Variants in PIAS1 observed in about 807,000 individuals in gnomAD.
The protein encoded by PIAS1 is E3 SUMO-protein ligase PIAS1.
Under a neutral mutation model 71.3 loss-of-function variants are expected in PIAS1, and 6 were observed. The ratio of observed to expected loss-of-function variants is 0.08; its 90% confidence interval spans 0.05 to 0.17. The LOEUF is 0.17. PIAS1 is among the 10% of genes least tolerant of loss of function. The pLI is 1.00. For missense variants in PIAS1, 555 were observed against 793.6 expected, an observed-to-expected ratio of 0.70 and a Z score of 3.61; for synonymous variants, 303 against 292.9, an observed-to-expected ratio of 1.03 and a Z score of -0.35.
intron 7 of PIAS1, among the ~76,000 whole-genome samples, chr15:68,155,449 T>TTAAAA (rs2092881177): frequency 9.7e-6 from 1 of 103,324 alleles, no homozygotes; most frequent in Non-Finnish European, 1.9e-5. Context: ...ATGCTGCCTG[T>TTAAAA]AAAAAAAAAA....
intron 2 of PIAS1, among the ~76,000 whole-genome samples, chr15:68,101,428 CTGTGGTGTAACT>C (rs2092425332): frequency 6.7e-6 from 1 of 149,916 alleles, no homozygotes; most frequent in Non-Finnish European, 1.5e-5. Context: ...ATCTTTTCTC[CTGTGGTGTAACT>C]TGTCTTTTTT....
intron 7 of PIAS1, among the ~76,000 whole-genome samples, chr15:68,162,023 CT>C (rs2092927963): frequency 6.6e-6 from 1 of 152,110 alleles, no homozygotes; most frequent in African/African-American, 2.4e-5. Context: ...TCACTGCAAC[CT>C]CTGCCTCCCA....
chr15:68,097,137 T>G (rs1210071182), intron 2 of PIAS1, among the ~76,000 whole-genome samples: 2 of 152,234 alleles, frequency 1.3e-5, no homozygotes, highest in Non-Finnish European at 2.9e-5. Context: ...GTCAAATGTC[T>G]TTTCTACATC....
intron 5 of PIAS1, 106 bp from the exon 6 acceptor site, chr15:68,146,460 A>G: frequency 1.3e-6 from 1 of 753,438 alleles, no homozygotes; most frequent in Non-Finnish European, 2.1e-6. Flanking sequence ...TAATGAAAAC[A>G]TTCATATTTT....
chr15:68,152,096 C>T (rs1027753718), intron 6 of PIAS1, among the ~76,000 whole-genome samples: 14 of 151,040 alleles, frequency 9.3e-5, no homozygotes, highest in South Asian at 4.2e-4. Flanking sequence ...ACTACAGGCA[C>T]GTGCTACCAC....
intron 2 of PIAS1, among the ~76,000 whole-genome samples, chr15:68,114,765 A>C (rs750928271): frequency 6.6e-6 from 1 of 151,930 alleles, no homozygotes; most frequent in Non-Finnish European, 1.5e-5. Flanking sequence ...GAGTTTATGT[A>C]AATTGCAACA....
intron 2 of PIAS1, among the ~76,000 whole-genome samples, chr15:68,122,955 T>C (rs1178853033): frequency 6.6e-6 from 1 of 151,876 alleles, no homozygotes; most frequent in Non-Finnish European, 1.5e-5. Context: ...TCTGCAAGAA[T>C]TGAGAAGCTT....
At chr15:68,075,868 G>GC (rs558913611) in intron 1 of PIAS1, among the ~76,000 whole-genome samples, 44 of 151,230 alleles carry the variant, frequency 2.9e-4, no homozygotes, top group African/African-American at 9.7e-4. Context: ...TACAACCTCG[G>GC]CCCCCCGGGG....
chr15:68,072,078 A>T lies in PIAS1; in HGVS notation c.25-14228A>T, dbSNP rs926423818. 2.6e-5 allele frequency among the ~76,000 whole-genome samples: 4 copies of T among 151,568 alleles called. No individual in the cohort carries two copies. In the Admixed American group the frequency reaches 2.6e-4, roughly 10 times the overall value. The stretch of plus-strand genomic sequence containing the variant: ...GAACAGCTACTAGATCCACATGTGG[A>T]TATCTGTGTAAGAGAGTAATAAGAG... On this transcript the variant is annotated intron_variant, in intron 1 of 13. Transcript: ENST00000249636.
At chr15:68,087,816 A>G in intron 2 of PIAS1, 1 of 350,806 alleles carries the variant, frequency 2.9e-6, no homozygotes, top group Admixed American at 3.3e-5. Flanking sequence ...TTGAAATATG[A>G]AGTGTTTGTT....
intron 12 of PIAS1, among the ~76,000 whole-genome samples, chr15:68,182,128 T>A (rs1026405453): frequency 1.1e-4 from 17 of 152,270 alleles, no homozygotes; most frequent in African/African-American, 1.4e-4. Context: ...ATTTTTTTTT[T>A]AATTTTGTGG....
chr15:68,162,121 C>T (rs145418837), intron 7 of PIAS1, among the ~76,000 whole-genome samples: 156 of 151,968 alleles, frequency 1.0e-3, no homozygotes, highest in East Asian at 5.3e-3. Flanking sequence ...TCCCATTTAC[C>T]GGATGATGTA....
chr15:68,086,756 A>G lies in PIAS1; in HGVS notation c.469+6A>G. The G allele has an allele frequency of 1.3e-6, 2 of 1,568,656 alleles. No individual in the cohort carries two copies. Among genetic ancestry groups the G allele is most frequent in the Non-Finnish European group, 1.8e-6 (2 of 1,140,334 alleles). On this transcript the variant is annotated splice_donor_region_variant and intron_variant, in intron 2 of 13. Coordinates refer to ENST00000249636, the MANE Select transcript of PIAS1 (RefSeq NM_016166.3). The surrounding 1 kb of genome is among the most constrained non-coding windows in gnomAD (Gnocchi z 7.2). ...GATAAAACCCACCAGTCTAGGTAAG[A>G]TTATTGTATGATAGTATTTGGTTAC...
intron 13 of PIAS1, chr15:68,184,814 A>G (rs141685187): frequency 4.6e-4 from 70 of 153,514 alleles, no homozygotes; most frequent in African/African-American, 1.6e-3. Context: ...ACAAGATAAC[A>G]GTCTTGCTTG....
At chr15:68,072,332 G>A (rs989325263) in intron 1 of PIAS1, among the ~76,000 whole-genome samples, 20 of 148,604 alleles carry the variant, frequency 1.3e-4, no homozygotes, top group South Asian at 2.1e-4. Context: ...CCCAGGAGGC[G>A]GAGCTTGCAG....
At chr15:68,124,213 T>C (rs1211989476) in intron 2 of PIAS1, among the ~76,000 whole-genome samples, 4 of 152,162 alleles carry the variant, frequency 2.6e-5, no homozygotes, top group African/African-American at 9.7e-5. Context: ...ATCAGGGTAT[T>C]ACTCTTGCAT....
At chr15:68,107,691 C>T (rs376689174) in intron 2 of PIAS1, among the ~76,000 whole-genome samples, 62 of 151,684 alleles carry the variant, frequency 4.1e-4, no homozygotes, top group African/African-American at 1.4e-3. Context: ...AATTATAAAA[C>T]TAATAATGTG....
At position 68,178,957 on chromosome 15, in the gene PIAS1, C is replaced by T. The variant is rs1217634715; in HGVS notation, c.1482-2255C>T. ...ATGCATTAAGTACTTCCTGAATTTC[C>T]CAGTGACTAATTGAACCCAGCTATA... On this transcript the variant is annotated intron_variant, in intron 11 of 13. Coordinates refer to ENST00000249636, the MANE Select transcript of PIAS1 (RefSeq NM_016166.3). This position sits in a 1 kb window ranked among gnomAD's most constrained non-coding sequence, Gnocchi z 4.2. Among the ~76,000 whole-genome samples, 1 of 151,936 alleles carries T rather than the reference C, an allele frequency of 6.6e-6. No individual in the cohort carries two copies. Among genetic ancestry groups the T allele is most frequent in the African/African-American group, 2.4e-5 (1 of 41,344 alleles).
intron 2 of PIAS1, among the ~76,000 whole-genome samples, chr15:68,134,947 C>T (rs372471835): frequency 0.12 from 5,453 of 46,034 alleles, 7 homozygotes; most frequent in African/African-American, 0.17. Flanking sequence ...ACCCCCCGGA[C>T]GGGGCGGCCG....
Sources: gnomAD v4.1 joint callset for allele counts (sites outside exome capture counted in the v4.1 genomes callset) on GRCh38, gnomAD v4.1.1 for gene constraint, Gnocchi (gnomAD v3.1) non-coding constraint, MANE v1.5 for transcripts, NCBI Gene and HGNC (gene_info 2026-07-23, HGNC 2026-07-21) for gene names.